PCBP4: variants seen among roughly 807,000 people sequenced by gnomAD.
The protein encoded by PCBP4 is poly(rC)-binding protein 4.
A neutral mutation model predicts 46.2 loss-of-function variants in PCBP4; 24 were observed. The ratio of observed to expected loss-of-function variants is 0.52; its 90% confidence interval spans 0.38 to 0.73. The LOEUF (loss-of-function observed/expected upper bound fraction) is 0.73, where lower values mean the gene tolerates loss of function less well. Ranked by LOEUF, PCBP4 falls within the 30% of genes least tolerant of loss-of-function variation. The probability of loss-of-function intolerance (pLI) is 0.00; values close to 1 mark genes in which losing one functional copy is unlikely to be tolerated. For missense variants in PCBP4, 407 were observed against 537.0 expected, an observed-to-expected ratio of 0.76 and a Z score of 2.39; for synonymous variants, 203 against 224.4, an observed-to-expected ratio of 0.90 and a Z score of 0.85.
In PCBP4 at chr3:51,958,939, C is replaced by T. The variant is rs111663537; in HGVS notation, c.774G>A (p.Gly258=). The T allele has an allele frequency of 2.5e-6, 4 of 1,613,956 alleles. No individual in the cohort carries two copies. The highest frequency in any genetic ancestry group is 1.3e-5 in the African/African-American group (1 of 74,976). The change falls in exon 13 of 14, where the codon GGG becomes GGA. Residue 258 remains glycine (G), a synonymous_variant. Transcript: ENST00000461554. This position sits in a 1 kb window ranked among gnomAD's most constrained non-coding sequence, Gnocchi z 5.4. ...TCTCGCTGATCTTGCTGCCCTGGCGCCCGATCACACAGCCAATCAACTAGA... is the reference window on the plus strand; with the variant it reads ...TCTCGCTGATCTTGCTGCCCTGGCGTCCGATCACACAGCCAATCAACTAGA... The part of the protein sequence containing the change: ...VPNDLIGCVI[G]RQGSKISEIR...
At position 51,959,867 on chromosome 3, in the gene PCBP4, C is replaced by T. The variant is rs1446175635; in HGVS notation, c.516+28G>A. ...GGCAGACCCAGGGCCCATCTCCTGCCCCCTCTCTCCCTGCCCCAGGGCAGC... is the reference window on the plus strand; with the variant it reads ...GGCAGACCCAGGGCCCATCTCCTGCTCCCTCTCTCCCTGCCCCAGGGCAGC... On this transcript the variant is annotated intron_variant, in intron 8 of 13. Transcript: ENST00000461554. This position sits in a 1 kb window ranked among gnomAD's most constrained non-coding sequence, Gnocchi z 5.6. 1.3e-6 allele frequency: 2 copies of T among 1,563,810 alleles called. No homozygotes were observed. The highest frequency in any genetic ancestry group is 3.6e-5 in the Admixed American group (2 of 55,132).
chr3:51,966,613 G>T (rs1342893904), intron 1 of PCBP4, among the ~76,000 whole-genome samples: 1 of 152,108 alleles, frequency 6.6e-6, no homozygotes, highest in African/African-American at 2.4e-5. Context: ...GGGGAGAAAG[G>T]AATGCAACTG....
chr3:51,958,695 G>C lies in PCBP4; in HGVS notation c.923+95C>G. 1 of 1,408,000 alleles carries C rather than the reference G, an allele frequency of 7.1e-7. No individual in the cohort carries two copies. The highest frequency in any genetic ancestry group is 2.2e-4 in the Middle Eastern group (1 of 4,636). The allele number at this position is 1,408,000 out of a possible 1,614,324, so 87.2% of individuals were successfully genotyped here. A position where few individuals can be genotyped will look rare whatever the true frequency, so the allele number is the denominator to read the frequency against. On this transcript the variant is annotated intron_variant, in intron 13 of 13. Transcript: ENST00000461554. This position sits in a 1 kb window ranked among gnomAD's most constrained non-coding sequence, Gnocchi z 5.4. ...GAGAGGCAGAGGTCGGGCCCAGACA[G>C]AGAGAGGAGGCCAGCTTCCTCTCCC...
intron 1 of PCBP4, among the ~76,000 whole-genome samples, chr3:51,964,549 T>C (rs1468437186): frequency 1.3e-5 from 2 of 151,980 alleles, no homozygotes; most frequent in Non-Finnish European, 2.9e-5. Context: ...GCTCCCCACC[T>C]AGCAGCCCCC....
In PCBP4 at chr3:51,967,360, G is replaced by C. The variant is rs1577702178; in HGVS notation, c.-247C>G. On this transcript the variant is annotated 5_prime_UTR_variant, in exon 1 of 14. Coordinates refer to ENST00000461554, the MANE Select transcript of PCBP4 (RefSeq NM_001174100.2). Reference sequence around the variant, plus strand: ...GCTGTCCTGCGGCGGCGGCGGCGGCGGCACGGCGGCTGGGCCGCTCAGTCC... The same window carrying C: ...GCTGTCCTGCGGCGGCGGCGGCGGCCGCACGGCGGCTGGGCCGCTCAGTCC... The C allele has an allele frequency of 6.5e-6, 1 of 153,144 alleles. No homozygotes were observed. The highest frequency in any genetic ancestry group is 1.5e-5 in the Non-Finnish European group (1 of 68,862). The allele number at this position is 153,144 out of a possible 1,614,324, so 9.5% of individuals were successfully genotyped here. A position where few individuals can be genotyped will look rare whatever the true frequency, so the allele number is the denominator to read the frequency against.
chr3:51,961,353 G>A, intron 2 of PCBP4, 49 bp from the exon 3 acceptor site: 2 of 1,482,570 alleles, frequency 1.3e-6, no homozygotes, highest in Non-Finnish European at 8.9e-7. Flanking sequence ...AGTCCACCCT[G>A]CCCCTGCCCT....
Position 51,960,541 on chromosome 3 carries a change from A to G in PCBP4, c.240T>C (p.Ala80=), listed in dbSNP as rs778781174. ...AGCCACGGACCTCATCCAGTTTGAA[A>G]GCAATCATGGAGACTGCATGGAAGA... ...AAVFHAVSMI[A]FKLDEDLCAA... The change falls in exon 6 of 14, where the codon GCT becomes GCC. Residue 80 remains alanine (A), a synonymous_variant. Transcript: ENST00000461554. The surrounding 1 kb of genome is among the most constrained non-coding windows in gnomAD (Gnocchi z 5.0). The G allele has an allele frequency of 5.6e-6, 9 of 1,612,860 alleles. No individual in the cohort carries two copies. The highest frequency in any genetic ancestry group is 7.6e-6 in the Non-Finnish European group (9 of 1,178,942).
intron 1 of PCBP4, among the ~76,000 whole-genome samples, chr3:51,964,574 C>T (rs1700328097): frequency 1.3e-5 from 2 of 152,228 alleles, no homozygotes; most frequent in Non-Finnish European, 2.9e-5. Context: ...CCTATTCCCA[C>T]TCCCAAAGCA....
At chr3:51,961,665 G>A (rs1485995934) in intron 2 of PCBP4, 5 of 730,330 alleles carry the variant, frequency 6.8e-6, no homozygotes, top group Non-Finnish European at 8.5e-6. Context: ...TGGGAGTCAG[G>A]AGGAGAGCCT....
chr3:51,959,666 C>T lies in PCBP4; in HGVS notation c.517-15G>A. 1 of 1,550,490 alleles carries T rather than the reference C, an allele frequency of 6.4e-7. No homozygotes were observed. The highest frequency in any genetic ancestry group is 2.4e-5 in the East Asian group (1 of 40,942). The stretch of plus-strand genomic sequence containing the variant: ...TTGGGTGGGGACTGGAAGGCATAAA[C>T]AGGGCTCTGTCAGGACCCTCTCAGG... On this transcript the variant is annotated splice_polypyrimidine_tract_variant and intron_variant, in intron 8 of 13. Transcript: ENST00000461554. The surrounding 1 kb of genome is among the most constrained non-coding windows in gnomAD (Gnocchi z 5.6).
chr3:51,962,935 T>G (rs1700249641), intron 1 of PCBP4: 1 of 152,274 alleles, frequency 6.6e-6, no homozygotes. Context: ...TCTCCGAGCA[T>G]CCTGGCCAGC....
Position 51,961,285 on chromosome 3 carries a change from G to C in PCBP4, c.-45C>G, listed in dbSNP as rs550068658. 1.3e-6 allele frequency: 2 copies of C among 1,592,802 alleles called. No homozygotes were observed. Among genetic ancestry groups the C allele is most frequent in the Admixed American group, 3.4e-5 (2 of 58,774 alleles). On this transcript the variant is annotated 5_prime_UTR_variant, in exon 3 of 14. Transcript: ENST00000461554. ...GCCACAGCGACCTGCGAGTGTGTCC[G>C]CGCTGCAACCTGGCCGGCTCTGGCA...
Position 51,958,399 on chromosome 3 carries a change from G to T in PCBP4, c.924-50C>A. The T allele has an allele frequency of 8.1e-7, 1 of 1,238,472 alleles. No individual in the cohort carries two copies. Among genetic ancestry groups the T allele is most frequent in the Non-Finnish European group, 1.1e-6 (1 of 919,758 alleles). The allele number at this position is 1,238,472 out of a possible 1,614,324, so 76.7% of individuals were successfully genotyped here. A position where few individuals can be genotyped will look rare whatever the true frequency, so the allele number is the denominator to read the frequency against. On this transcript the variant is annotated intron_variant, in intron 13 of 13. Transcript: ENST00000461554. The surrounding 1 kb of genome is among the most constrained non-coding windows in gnomAD (Gnocchi z 5.4). Reference sequence around the variant, plus strand: ...GACAAAGGGGAAAGTGGGAGTGAGAGAGGGGCAATGAGGGCAGAGATGGGC... The same window carrying T: ...GACAAAGGGGAAAGTGGGAGTGAGATAGGGGCAATGAGGGCAGAGATGGGC...
intron 1 of PCBP4, among the ~76,000 whole-genome samples, chr3:51,964,401 G>A (rs1003040872): frequency 6.6e-6 from 1 of 152,200 alleles, no homozygotes; most frequent in Non-Finnish European, 1.5e-5. Flanking sequence ...GGGGCCAGGC[G>A]ATTCAAGTAG....
chr3:51,962,919 CTG>C (rs1700248576), intron 1 of PCBP4: 1 of 152,292 alleles, frequency 6.6e-6, no homozygotes, highest in African/African-American at 2.4e-5. Flanking sequence ...GATGCAGGGA[CTG>C]TGCTCTCCGA....
chr3:51,963,959 G>A (rs1700297214), intron 1 of PCBP4, among the ~76,000 whole-genome samples: 1 of 152,218 alleles, frequency 6.6e-6, no homozygotes, highest in Non-Finnish European at 1.5e-5. Flanking sequence ...CTCCAGCCGG[G>A]TGGGCCCTGG....
rs769196343 is a variant in PCBP4, at chr3:51,958,773, G to A, written c.923+17C>T. On this transcript the variant is annotated intron_variant, in intron 13 of 13. Transcript: ENST00000461554. This position sits in a 1 kb window ranked among gnomAD's most constrained non-coding sequence, Gnocchi z 5.4. ...AACCGTGACCTGCTCCCCCACTGCCGCCCAGCCCGCGCTCACCAGGCAGTG... is the reference window on the plus strand; with the variant it reads ...AACCGTGACCTGCTCCCCCACTGCCACCCAGCCCGCGCTCACCAGGCAGTG... 1.2e-5 allele frequency: 19 copies of A among 1,601,702 alleles called. No individual in the cohort carries two copies. The highest frequency in any genetic ancestry group is 8.0e-5 in the African/African-American group (6 of 74,618).
chr3:51,963,889 C>A (rs1157757769), intron 1 of PCBP4, among the ~76,000 whole-genome samples: 1 of 152,218 alleles, frequency 6.6e-6, no homozygotes, highest in African/African-American at 2.4e-5. Context: ...GAACGAGCAG[C>A]CCCATGAGGC....
intron 1 of PCBP4, among the ~76,000 whole-genome samples, chr3:51,963,482 T>C (rs1481673584): frequency 1.3e-5 from 2 of 152,186 alleles, no homozygotes; most frequent in Non-Finnish European, 2.9e-5. Flanking sequence ...GCCTCGGTCT[T>C]AAGTTCCAAA....
Sources: allele counts gnomAD v4.1 joint callset (sites outside exome capture counted in the v4.1 genomes callset), GRCh38; gene constraint gnomAD v4.1.1; non-coding constraint Gnocchi (gnomAD v3.1); transcripts MANE v1.5; gene names NCBI Gene and HGNC (gene_info 2026-07-23, HGNC 2026-07-21).